TMEM266: variants seen among roughly 807,000 people sequenced by gnomAD.
TMEM266 encodes Hv1 related protein 1.
In TMEM266, 33 loss-of-function variants were observed where a neutral mutation model predicts 50.5. The ratio of observed to expected loss-of-function variants is 0.65; its 90% CI spans 0.50 to 0.87. The LOEUF (loss-of-function observed/expected upper bound fraction) is 0.87, where lower values mean the gene tolerates loss of function less well. Among genes scored for constraint, TMEM266 ranks in the 40% least tolerant of loss-of-function variants. TMEM266 has a pLI of 0.00. For missense variants in TMEM266, 655 were observed against 695.1 expected, an observed-to-expected ratio of 0.94 and a Z score of 0.65; for synonymous variants, 310 against 292.3, an observed-to-expected ratio of 1.06 and a Z score of -0.62.
intron 8 of TMEM266, among the ~76,000 whole-genome samples, chr15:76,190,877 T>TG (rs1288265091): frequency 6.6e-6 from 1 of 152,162 alleles, no homozygotes; most frequent in Admixed American, 6.5e-5. Flanking sequence ...GGTATTTCTC[T>TG]GTCCGCCCTC....
intron 8 of TMEM266, among the ~76,000 whole-genome samples, chr15:76,183,021 T>C (rs187461647): frequency 6.7e-6 from 1 of 150,160 alleles, no homozygotes; most frequent in Admixed American, 6.7e-5. Context: ...CATACTCCAA[T>C]GCAGGTTGCA....
chr15:76,201,043 T>C (rs188169399), intron 9 of TMEM266, among the ~76,000 whole-genome samples: 1 of 152,062 alleles, frequency 6.6e-6, no homozygotes, highest in Non-Finnish European at 1.5e-5. Context: ...GAGAAGCTCC[T>C]GGGGGTGCAG....
intron 5 of TMEM266, among the ~76,000 whole-genome samples, chr15:76,162,276 C>T (rs1343967727): frequency 6.6e-6 from 1 of 152,160 alleles, no homozygotes; most frequent in Non-Finnish European, 1.5e-5. Context: ...AATGGAGGGC[C>T]GGTGCATGGA....
At chr15:76,128,668 T>A (rs868185791) in intron 1 of TMEM266, among the ~76,000 whole-genome samples, 7 of 152,340 alleles carry the variant, frequency 4.6e-5, no homozygotes, top group Middle Eastern at 3.4e-3. Context: ...AGCATTCCCA[T>A]CGTCATAGGG....
At chr15:76,192,607 A>T (rs1231105094) in intron 9 of TMEM266, among the ~76,000 whole-genome samples, 1 of 152,154 alleles carries the variant, frequency 6.6e-6, no homozygotes, top group Non-Finnish European at 1.5e-5. Context: ...GGCCCAAACA[A>T]GTCCAGGCCC....
intron 5 of TMEM266, among the ~76,000 whole-genome samples, chr15:76,169,394 TGA>T (rs1596148711): frequency 1.3e-5 from 2 of 151,774 alleles, no homozygotes; most frequent in African/African-American, 4.8e-5. Flanking sequence ...GACAAGGCCA[TGA>T]GAGAGAGAGC....
chr15:76,175,458 C>G (rs77031154), intron 7 of TMEM266, 101 bp from the exon 8 acceptor site: 1 of 830,776 alleles, frequency 1.2e-6, no homozygotes, highest in South Asian at 1.6e-5. Context: ...AGAAATGGCC[C>G]AGGGCCTCGA....
intron 1 of TMEM266, among the ~76,000 whole-genome samples, chr15:76,067,634 A>G (rs1021717401): frequency 2.1e-5 from 1 of 48,270 alleles, no homozygotes; most frequent in African/African-American, 7.7e-5. Flanking sequence ...CTGCGTCTCA[A>G]AAAAAAAAAA....
At chr15:76,135,236 A>G (rs1298937058) in intron 2 of TMEM266, among the ~76,000 whole-genome samples, 1 of 152,236 alleles carries the variant, frequency 6.6e-6, no homozygotes, top group Admixed American at 6.5e-5. Flanking sequence ...AGAACCATTA[A>G]TACATTTTGT....
intron 1 of TMEM266, among the ~76,000 whole-genome samples, chr15:76,079,937 T>A (rs1161482200): frequency 6.6e-6 from 1 of 151,952 alleles, no homozygotes; most frequent in Non-Finnish European, 1.5e-5. Flanking sequence ...TAAATAAATA[T>A]GAGGTCAACA....
intron 1 of TMEM266, among the ~76,000 whole-genome samples, chr15:76,064,901 C>T (rs2036383369): frequency 6.6e-6 from 1 of 152,210 alleles, no homozygotes; most frequent in African/African-American, 2.4e-5. Flanking sequence ...ATTTTATCTA[C>T]AATTCCCTCA....
intron 3 of TMEM266, among the ~76,000 whole-genome samples, chr15:76,140,577 G>C (rs895239187): frequency 6.6e-6 from 1 of 152,154 alleles, no homozygotes; most frequent in Non-Finnish European, 1.5e-5. Context: ...TGGCCCCGCT[G>C]CCCGCCTCCC....
At position 76,086,933 on chromosome 15, in the gene TMEM266, G is replaced by GA. The variant is rs66623639; in HGVS notation, c.-97+26917_-97+26918insA. Among the ~76,000 whole-genome samples the GA allele has an allele frequency of 2.3e-4, 8 of 34,082 alleles. No homozygotes were observed. In the East Asian group the frequency reaches 4.6e-3, roughly 20 times the overall value. 22.4% of individuals were successfully genotyped at this position (34,082 alleles called of 152,430 possible). A position where few individuals can be genotyped will look rare whatever the true frequency, so the allele number is the denominator to read the frequency against. On this transcript the variant is annotated intron_variant, in intron 1 of 10. Coordinates refer to ENST00000388942, the MANE Select transcript of TMEM266 (RefSeq NM_152335.3). Reference sequence around the variant, plus strand: ...TGCAGAAAAAGGGAGCAGGTCGGGGGGGGGGCGGTGGTGTTGCAAAGGGAG... The same window carrying GA: ...TGCAGAAAAAGGGAGCAGGTCGGGGGAGGGGGCGGTGGTGTTGCAAAGGGAG...
At chr15:76,076,559 C>T (rs948568152) in intron 1 of TMEM266, among the ~76,000 whole-genome samples, 1 of 151,996 alleles carries the variant, frequency 6.6e-6, no homozygotes, top group African/African-American at 2.4e-5. Flanking sequence ...GAAAGAAAAT[C>T]CCACTCAGGA....
chr15:76,068,231 C>A (rs1323660496), intron 1 of TMEM266, among the ~76,000 whole-genome samples: 2 of 152,172 alleles, frequency 1.3e-5, no homozygotes, highest in African/African-American at 4.8e-5. Flanking sequence ...TGGGAGAGAC[C>A]TGATTTGGCC....
At chr15:76,151,417 A>G (rs999342260) in intron 3 of TMEM266, among the ~76,000 whole-genome samples, 2 of 152,134 alleles carry the variant, frequency 1.3e-5, no homozygotes, top group Non-Finnish European at 2.9e-5. Context: ...CTGGTCAACC[A>G]AAAGCCTGCG....
intron 7 of TMEM266, 66 bp from the exon 8 acceptor site, chr15:76,175,493 C>A: frequency 7.8e-7 from 1 of 1,286,656 alleles, no homozygotes; most frequent in Non-Finnish European, 1.1e-6. Context: ...GAATGCTGGG[C>A]CCGCCCTTCC....
intron 3 of TMEM266, among the ~76,000 whole-genome samples, chr15:76,144,962 T>C (rs1303364857): frequency 6.6e-6 from 1 of 152,164 alleles, no homozygotes; most frequent in African/African-American, 2.4e-5. Context: ...CCTTAATATC[T>C]CTTCTCTGCA....
chr15:76,178,737 C>T (rs915479869), intron 8 of TMEM266: 1 of 152,230 alleles, frequency 6.6e-6, no homozygotes, highest in African/African-American at 2.4e-5. Flanking sequence ...GCATTCTGCA[C>T]AGGAAAGAGC....
Sources: allele counts gnomAD v4.1 joint callset (sites outside exome capture counted in the v4.1 genomes callset), GRCh38; gene constraint gnomAD v4.1.1; transcripts MANE v1.5; gene names NCBI Gene and HGNC (gene_info 2026-07-23, HGNC 2026-07-21).